Variants in VPS37A observed in about 807,000 individuals in gnomAD.
VPS37A encodes the protein VPS37A subunit of ESCRT-I, also known as vacuolar protein sorting-associated protein 37A.
In VPS37A, 30 loss-of-function variants were observed where a neutral mutation model predicts 49.8. The ratio of observed to expected loss-of-function variants is 0.60; its 90% CI spans 0.45 to 0.82. VPS37A has a LOEUF of 0.82. Ranked by LOEUF, VPS37A falls within the 40% of genes least tolerant of loss-of-function variation. VPS37A has a pLI of 0.00. For synonymous variants in VPS37A, 195 were observed against 160.6 expected (o/e 1.21, Z -1.62); for missense variants, 593 against 464.4 (o/e 1.28, Z -2.55).
At chr8:17,308,575 G>T in the VPS37A span, among the ~76,000 whole-genome samples, 1 of 152,154 alleles carries the variant, frequency 6.6e-6, no homozygotes, top group Non-Finnish European at 1.5e-5. Flanking sequence ...GAAACTTGCT[G>T]CCTAAATTTA....
At chr8:17,280,580 G>A (rs187621481) in intron 9 of VPS37A, 137 bp downstream of exon 9, 55 of 723,904 alleles carry the variant, frequency 7.6e-5, no homozygotes, top group African/African-American at 6.5e-4. Context: ...ACCTTTAAAC[G>A]TGGATGAACA....
downstream of VPS37A, chr8:17,301,522 T>G (rs1299251128): frequency 2.0e-5 from 3 of 152,172 alleles, no homozygotes; most frequent in African/African-American, 4.8e-5. Context: ...AGAGAAAATC[T>G]CAAATGCCAG....
chr8:17,312,866 G>A, the VPS37A span, among the ~76,000 whole-genome samples: 2 of 152,130 alleles, frequency 1.3e-5, no homozygotes, highest in African/African-American at 4.8e-5. Flanking sequence ...TGTGAAAGCT[G>A]CAGCGACATT....
rs1360527234 is a variant in VPS37A, at chr8:17,280,234, T to C, written c.842-5T>C. 6.2e-7 allele frequency: 1 copy of C among 1,612,578 alleles called. No homozygotes were observed. Among genetic ancestry groups the C allele is most frequent in the Non-Finnish European group, 8.5e-7 (1 of 1,179,244 alleles). On this transcript the variant is annotated splice_polypyrimidine_tract_variant and splice_region_variant and intron_variant, in intron 7 of 11. Transcript: ENST00000324849. ...CTAGAAGTAAACTAGAGATTTATCTTACAGGAAAAAATCTCCTTTTGGAGC... is the reference window on the plus strand; with the variant it reads ...CTAGAAGTAAACTAGAGATTTATCTCACAGGAAAAAATCTCCTTTTGGAGC...
chr8:17,328,617 C>T, the VPS37A span, among the ~76,000 whole-genome samples: 1 of 152,170 alleles, frequency 6.6e-6, no homozygotes, highest in South Asian at 2.1e-4. Context: ...CTAATGCCTG[C>T]TAGGCTTAAC....
intron 10 of VPS37A, among the ~76,000 whole-genome samples, chr8:17,285,759 G>T (rs540189313): frequency 2.0e-5 from 3 of 152,282 alleles, no homozygotes; most frequent in East Asian, 1.9e-4. Context: ...CTTGAAGCTT[G>T]TATCTGTTAA....
At chr8:17,302,707 C>CCA (rs1554504074), downstream of VPS37A, among the ~76,000 whole-genome samples, 3 of 54,640 alleles carry the variant, frequency 5.5e-5, 1 homozygote, top group Non-Finnish European at 1.8e-4. Flanking sequence ...GCAATAACCC[C>CCA]CCCCCCCCCG....
the VPS37A span, among the ~76,000 whole-genome samples, chr8:17,332,877 G>A: frequency 1.3e-5 from 2 of 152,018 alleles, no homozygotes; most frequent in South Asian, 2.1e-4. Context: ...TATAGAAAAC[G>A]GTACCAATTT....
chr8:17,275,359 G>C (rs1448162507), intron 5 of VPS37A, among the ~76,000 whole-genome samples: 1 of 152,150 alleles, frequency 6.6e-6, no homozygotes, highest in Non-Finnish European at 1.5e-5. Context: ...TTATGCTTGA[G>C]GCCAGATTTT....
At chr8:17,304,368 G>T (rs778032800), downstream of VPS37A, 25 of 1,608,690 alleles carry the variant, frequency 1.6e-5, no homozygotes, top group Admixed American at 8.3e-5. Flanking sequence ...AGTTACCAAG[G>T]ATTTACATAC....
the VPS37A span, among the ~76,000 whole-genome samples, chr8:17,324,071 A>G: frequency 6.6e-6 from 1 of 152,200 alleles, no homozygotes; most frequent in African/African-American, 2.4e-5. Context: ...TTTGACATCC[A>G]GTTAAAACAT....
chr8:17,307,327 C>T (rs1586146407), downstream of VPS37A, among the ~76,000 whole-genome samples: 2 of 152,270 alleles, frequency 1.3e-5, no homozygotes, highest in African/African-American at 4.8e-5. Context: ...AAATCAAAAC[C>T]ACAATGATAC....
chr8:17,258,109 A>C (rs773877244), intron 1 of VPS37A, among the ~76,000 whole-genome samples: 4 of 151,956 alleles, frequency 2.6e-5, no homozygotes, highest in Non-Finnish European at 5.9e-5. Context: ...GGCTAATTTA[A>C]CTTCTCTTTT....
chr8:17,331,024 A>C, the VPS37A span: 1 of 1,148,100 alleles, frequency 8.7e-7, no homozygotes, highest in Non-Finnish European at 1.2e-6. Context: ...AAGCCACTGT[A>C]ACATGATATT....
At chr8:17,332,710 T>G in the VPS37A span, among the ~76,000 whole-genome samples, 1 of 152,246 alleles carries the variant, frequency 6.6e-6, no homozygotes. Context: ...GTCGAACCAT[T>G]AAGTCAGAGA....
In VPS37A at chr8:17,268,489, T is replaced by A. The variant is rs556105387; in HGVS notation, c.315+117T>A. On this transcript the variant is annotated intron_variant, in intron 3 of 11. Transcript: ENST00000324849. Reference sequence around the variant, plus strand: ...TTCATTTTGTCATGAGTACTTTTTTTAAAAATTGAATATTTAAGACTACGC... The same window carrying A: ...TTCATTTTGTCATGAGTACTTTTTTAAAAAATTGAATATTTAAGACTACGC... 1.7e-4 allele frequency: 130 copies of A among 752,810 alleles called. No individual in the cohort carries two copies. The African/African-American group carries it at 1.9e-3, about 11-fold the overall frequency. 46.6% of individuals were successfully genotyped at this position (752,810 alleles called of 1,614,324 possible). A position where few individuals can be genotyped will look rare whatever the true frequency, so the allele number is the denominator to read the frequency against.
chr8:17,275,602 A>C lies in VPS37A; in HGVS notation c.642+644A>C, dbSNP rs79504462. On this transcript the variant is annotated intron_variant, in intron 5 of 11. Transcript: ENST00000324849. ...TCTGCTAACATACGCTGAGGGCTTC[A>C]AGTGTTCCGTTGGTTTAAAAGCTTG... is the stretch of plus-strand genomic sequence containing the variant. Among the ~76,000 whole-genome samples, 74 of 152,294 alleles carry C rather than the reference A, an allele frequency of 4.9e-4. 1 individual carries two copies. The East Asian group carries it at 0.013, about 28-fold the overall frequency.
chr8:17,254,413 G>C (rs371655536), intron 1 of VPS37A, among the ~76,000 whole-genome samples: 1 of 152,150 alleles, frequency 6.6e-6, no homozygotes, highest in African/African-American at 2.4e-5. Flanking sequence ...AAACAAGCTA[G>C]GAAAAGAGGC....
the VPS37A span, chr8:17,311,561 C>T: frequency 6.2e-7 from 1 of 1,614,118 alleles, no homozygotes; most frequent in Non-Finnish European, 8.5e-7. Context: ...AGGCTTGCCA[C>T]CGAGCACACC....
Sources: allele counts gnomAD v4.1 joint callset (sites outside exome capture counted in the v4.1 genomes callset), GRCh38; gene constraint gnomAD v4.1.1; transcripts MANE v1.5; gene names NCBI Gene and HGNC (gene_info 2026-07-23, HGNC 2026-07-21).